MGAT4C: variants seen among roughly 807,000 people sequenced by gnomAD.
The protein encoded by MGAT4C is alpha-1,3-mannosyl-glycoprotein 4-beta-N-acetylglucosaminyltransferase C.
MGAT4C carries 19 observed loss-of-function variants against 40.1 expected under a neutral mutation model. The ratio of observed to expected loss-of-function variants is 0.47; its 90% CI spans 0.33 to 0.70. The LOEUF is 0.70. Ranked by LOEUF, MGAT4C falls within the 30% of genes least tolerant of loss-of-function variation. The probability of loss-of-function intolerance (pLI) is 0.02; values close to 1 mark genes in which losing one functional copy is unlikely to be tolerated. For synonymous variants in MGAT4C, 181 were observed against 187.1 expected (o/e 0.97, Z 0.27); for missense variants, 491 against 563.2 (o/e 0.87, Z 1.30).
chr12:86,709,071 C>T (rs1337761305), intron 2 of MGAT4C, among the ~76,000 whole-genome samples: 1 of 152,048 alleles, frequency 6.6e-6, no homozygotes, highest in Non-Finnish European at 1.5e-5. Context: ...TGGCTGTGTC[C>T]CCACCCAAAT....
chr12:86,611,389 T>C lies in MGAT4C; in HGVS notation c.-229+115820A>G, dbSNP rs557221028. ...GACAAACAGATAGAGGTCCCATAGA[T>C]AGGTAGGTAGGTAGGTAGGTAGGTA... is the stretch of plus-strand genomic sequence containing the variant. On this transcript the variant is annotated intron_variant, in intron 2 of 7. Coordinates refer to the MGAT4C transcript ENST00000548651. Among the ~76,000 whole-genome samples the C allele has an allele frequency of 4.5e-3, 409 of 90,050 alleles. 7 individuals are homozygous for C. Among genetic ancestry groups the C allele is most frequent in the South Asian group, 0.042 (143 of 3,390 alleles). The allele number at this position is 90,050 out of a possible 152,430, so 59.1% of individuals were successfully genotyped here. A position where few individuals can be genotyped will look rare whatever the true frequency, so the allele number is the denominator to read the frequency against.
intron 1 of MGAT4C, among the ~76,000 whole-genome samples, chr12:86,745,517 G>T (rs910383332): frequency 6.6e-6 from 1 of 151,556 alleles, no homozygotes; most frequent in African/African-American, 2.4e-5. Flanking sequence ...TTACAGTGTG[G>T]TTAAGTTTCA....
intron 1 of MGAT4C, among the ~76,000 whole-genome samples, chr12:86,159,544 G>C (rs1381185494): frequency 6.6e-6 from 1 of 151,796 alleles, no homozygotes; most frequent in Non-Finnish European, 1.5e-5. Flanking sequence ...TTCATAGAAA[G>C]GATTAGAGAG....
In MGAT4C at chr12:86,768,308, G is replaced by A. The variant is rs369410415; in HGVS notation, c.-261-41067C>T. 1.5e-4 allele frequency among the ~76,000 whole-genome samples: 23 copies of A among 152,110 alleles called. No homozygotes were observed. The East Asian group carries it at 3.3e-3, about 22-fold the overall frequency. On this transcript the variant is annotated intron_variant, in intron 1 of 7. Transcript: ENST00000548651. The stretch of plus-strand genomic sequence containing the variant: ...TAAAATACTTAGGAATCCAACTTAC[G>A]AGGGATGTGAAGGACCTCTTCAAGG...
chr12:86,685,898 T>C (rs1436600334), intron 2 of MGAT4C, among the ~76,000 whole-genome samples: 1 of 151,352 alleles, frequency 6.6e-6, no homozygotes, highest in Non-Finnish European at 1.5e-5. Context: ...AGTCTTGCTC[T>C]GTTGCCCAGG....
intron 1 of MGAT4C, among the ~76,000 whole-genome samples, chr12:86,052,257 AT>A (rs1178281739): frequency 3.3e-5 from 5 of 151,588 alleles, no homozygotes; most frequent in Non-Finnish European, 7.4e-5. Flanking sequence ...AGGGCCCCAA[AT>A]TTTTTCATTA....
chr12:86,435,231 T>C (rs1345461935), exon 3 of MGAT4C: 1 of 151,888 alleles, frequency 6.6e-6, no homozygotes, highest in Non-Finnish European at 1.5e-5. Flanking sequence ...CACAGCAGCT[T>C]TGTGCATACA....
In MGAT4C at chr12:86,394,619, T is replaced by C. The variant is rs1956221112; in HGVS notation, c.-120+40538A>G. ...ATATATTTTATATATATATACTTTA[T>C]ATATATATATATATATGTACTTTTT... On this transcript the variant is annotated intron_variant, in intron 3 of 7. Transcript: ENST00000548651. 2.1e-5 allele frequency among the ~76,000 whole-genome samples: 3 copies of C among 140,996 alleles called. No homozygotes were observed. In the South Asian group the frequency reaches 6.4e-4, roughly 30 times the overall value. 92.5% of individuals were successfully genotyped at this position (140,996 alleles called of 152,430 possible).
At chr12:86,244,121 G>A (rs564884982) in intron 1 of MGAT4C, among the ~76,000 whole-genome samples, 7 of 152,252 alleles carry the variant, frequency 4.6e-5, no homozygotes, top group Non-Finnish European at 7.4e-5. Flanking sequence ...TCTTGCCTAG[G>A]TCATGCCTAC....
chr12:86,742,105 C>T (rs1443636380), intron 1 of MGAT4C, among the ~76,000 whole-genome samples: 2 of 151,074 alleles, frequency 1.3e-5, no homozygotes, highest in Non-Finnish European at 3.0e-5. Flanking sequence ...CTTGGGTCAC[C>T]TTCTGGGTTT....
chr12:86,529,043 A>G (rs565210229), intron 2 of MGAT4C, among the ~76,000 whole-genome samples: 1 of 152,206 alleles, frequency 6.6e-6, no homozygotes, highest in Non-Finnish European at 1.5e-5. Context: ...TTTGACACAG[A>G]CAACCAGATA....
At chr12:86,054,128 A>T (rs1893159331) in intron 1 of MGAT4C, among the ~76,000 whole-genome samples, 1 of 152,078 alleles carries the variant, frequency 6.6e-6, no homozygotes, top group Admixed American at 6.6e-5. Context: ...TATGTCAAAG[A>T]GATACCTGCA....
intron 1 of MGAT4C, among the ~76,000 whole-genome samples, chr12:86,201,425 A>ATTTTAT (rs1228046403): frequency 4.2e-4 from 61 of 145,972 alleles, no homozygotes; most frequent in African/African-American, 1.4e-3. Context: ...GCCTTATAAT[A>ATTTTAT]TTTTATTTTT....
chr12:86,531,855 T>TA (rs1351968097), intron 2 of MGAT4C, among the ~76,000 whole-genome samples: 8 of 151,936 alleles, frequency 5.3e-5, no homozygotes, highest in Non-Finnish European at 1.2e-4. Flanking sequence ...ACTTTAAAAT[T>TA]AAAAAATACT....
At chr12:86,440,181 A>G (rs1168721717) in intron 2 of MGAT4C, among the ~76,000 whole-genome samples, 1 of 152,068 alleles carries the variant, frequency 6.6e-6, no homozygotes, top group Non-Finnish European at 1.5e-5. Flanking sequence ...CAACAACAAA[A>G]ATACTACAGA....
intron 2 of MGAT4C, among the ~76,000 whole-genome samples, chr12:86,013,280 G>A (rs1195029273): frequency 6.6e-6 from 1 of 152,048 alleles, no homozygotes; most frequent in Non-Finnish European, 1.5e-5. Context: ...TGGAGACGGA[G>A]TCTTGCTCTA....
At chr12:86,537,773 T>C (rs752263479) in intron 2 of MGAT4C, among the ~76,000 whole-genome samples, 3 of 152,176 alleles carry the variant, frequency 2.0e-5, no homozygotes, top group Non-Finnish European at 2.9e-5. Context: ...TACTTAAAGG[T>C]GAACATTGGT....
At chr12:86,458,304 T>G (rs1957543128) in intron 2 of MGAT4C, among the ~76,000 whole-genome samples, 1 of 152,160 alleles carries the variant, frequency 6.6e-6, no homozygotes, top group Non-Finnish European at 1.5e-5. Flanking sequence ...CTCAGATGCC[T>G]AAGTTGTCTG....
chr12:86,378,173 C>T (rs1302534966), intron 3 of MGAT4C, among the ~76,000 whole-genome samples: 1 of 152,086 alleles, frequency 6.6e-6, no homozygotes. Flanking sequence ...AATGGGTGTA[C>T]AAATGGCTCT....
Sources: allele counts gnomAD v4.1 joint callset (sites outside exome capture counted in the v4.1 genomes callset), GRCh38; gene constraint gnomAD v4.1.1; transcripts MANE v1.5; gene names NCBI Gene and HGNC (gene_info 2026-07-23, HGNC 2026-07-21).